NPHP3: variants seen among roughly 807,000 people sequenced by gnomAD.
NPHP3 encodes the protein nephrocystin-3.
A neutral mutation model predicts 171.9 loss-of-function variants in NPHP3; 123 were observed. The ratio of observed to expected loss-of-function variants is 0.72; its 90% CI spans 0.62 to 0.83. The LOEUF (loss-of-function observed/expected upper bound fraction) is 0.83. Among genes scored for constraint, NPHP3 ranks in the 40% least tolerant of loss-of-function variants. The pLI is 0.00. For missense variants in NPHP3, 1,506 were observed against 1,591.9 expected (o/e 0.95, Z 0.92); for synonymous variants, 558 against 579.2 (o/e 0.96, Z 0.52).
chr3:132,696,650 G>C, intron 15 of NPHP3, 81 bp downstream of exon 15: 1 of 1,204,968 alleles, frequency 8.3e-7, no homozygotes, highest in Non-Finnish European at 1.2e-6. Flanking sequence ...GTAGTGATCA[G>C]TTCTCAGTTT....
In NPHP3 at chr3:132,683,616, G is replaced by A. The variant is rs1044865558; in HGVS notation, c.3571-92C>T. On this transcript the variant is annotated intron_variant, in intron 24 of 26. Transcript: ENST00000337331. ...CCATAAGTAAAATTTCATATTAAAG[G>A]GTAATTTTGAGGGAAAAAAATCTCA... is the stretch of plus-strand genomic sequence containing the variant. 6.6e-6 allele frequency: 7 copies of A among 1,055,842 alleles called. No individual in the cohort carries two copies. The South Asian group carries it at 1.1e-4, about 16-fold the overall frequency. 65.4% of individuals were successfully genotyped at this position (1,055,842 alleles called of 1,614,324 possible).
intron 17 of NPHP3, 137 bp downstream of exon 17, chr3:132,692,517 G>A (rs747717246): frequency 1.2e-5 from 9 of 730,246 alleles, no homozygotes; most frequent in Non-Finnish European, 1.6e-5. Context: ...GTTAACTATA[G>A]GGACAATGTT....
At chr3:132,692,377 A>G (rs1939322206) in intron 17 of NPHP3, among the ~76,000 whole-genome samples, 1 of 152,238 alleles carries the variant, frequency 6.6e-6, no homozygotes, top group Non-Finnish European at 1.5e-5. Flanking sequence ...CAAGAAATAA[A>G]CTACCTTTAA....
At chr3:132,704,110 C>T in intron 9 of NPHP3, 88 bp downstream of exon 9, 2 of 1,278,164 alleles carry the variant, frequency 1.6e-6, no homozygotes, top group Non-Finnish European at 2.3e-6. Flanking sequence ...TAATCATAAA[C>T]CTTAACTATA....
At chr3:132,685,542 A>G (rs1939133209) in intron 23 of NPHP3, 2 of 152,226 alleles carry the variant, frequency 1.3e-5, no homozygotes, top group Non-Finnish European at 2.9e-5. Flanking sequence ...TTTCTGATAT[A>G]TGAAGTCCAA....
intron 16 of NPHP3, chr3:132,693,040 C>T: frequency 1.9e-6 from 1 of 517,112 alleles, no homozygotes; most frequent in Non-Finnish European, 3.4e-6. Context: ...CCAAAGATAA[C>T]ACTCTTACAG....
At chr3:132,699,799 G>T in intron 12 of NPHP3, 119 bp downstream of exon 12, 1 of 1,145,252 alleles carries the variant, frequency 8.7e-7, no homozygotes. Flanking sequence ...AAATAAAGCA[G>T]AAATATAAAA....
At position 132,701,463 on chromosome 3, in the gene NPHP3, G is replaced by C; in HGVS notation, c.1595C>G (p.Pro532Arg). The C allele has an allele frequency of 1.9e-6, 3 of 1,613,298 alleles. No individual in the cohort carries two copies. The highest frequency in any genetic ancestry group is 1.6e-4 in the Middle Eastern group (1 of 6,062). The change falls in exon 10 of 27, where the codon CCA becomes CGA. Residue 532 changes from proline to arginine, a missense_variant. Pro to Arg is a moderately radical substitution (Grantham distance 103). This residue lies in a region of NPHP3 where 930 missense variants were observed against 924.9 expected (regional missense o/e 1.01). Coordinates refer to ENST00000337331, the MANE Select transcript of NPHP3 (RefSeq NM_153240.5). ...PIPPLLVSGG[P>R]GSGKSLLLSK... ...TAAAAGAAGAGACTTCCCAGAACCT[G>C]GTCCTCCAGACACGAGAAGAGGTGG...
chr3:132,681,892 G>T lies in NPHP3; in HGVS notation c.*18C>A, dbSNP rs1939040305. 1 of 1,606,740 alleles carries T rather than the reference G, an allele frequency of 6.2e-7. No individual in the cohort carries two copies. Among genetic ancestry groups the T allele is most frequent in the Non-Finnish European group, 8.5e-7 (1 of 1,173,368 alleles). On this transcript the variant is annotated 3_prime_UTR_variant, in exon 27 of 27. Coordinates refer to ENST00000337331, the MANE Select transcript of NPHP3 (RefSeq NM_153240.5). ...TTTTGTCTTAAGGTACATTTGCAAA[G>T]AATTCTAACTGCTGCTATTACCTTT...
chr3:132,710,565 G>C (rs1374767425), intron 6 of NPHP3, among the ~76,000 whole-genome samples: 1 of 152,126 alleles, frequency 6.6e-6, no homozygotes, highest in African/African-American at 2.4e-5. Context: ...AGTCTGGTCT[G>C]CCCAACAAGG....
chr3:132,720,491 G>T (rs561915420), intron 1 of NPHP3, among the ~76,000 whole-genome samples: 1 of 152,262 alleles, frequency 6.6e-6, no homozygotes, highest in East Asian at 1.9e-4. Flanking sequence ...CAGTGGCTTG[G>T]ATACATTGAA....
chr3:132,684,141 C>T (rs913389172), intron 24 of NPHP3, among the ~76,000 whole-genome samples: 2 of 152,056 alleles, frequency 1.3e-5, no homozygotes, highest in Non-Finnish European at 2.9e-5. Context: ...CAAGAAAGAA[C>T]GAAATAAAAA....
In NPHP3 at chr3:132,722,215, T is replaced by A. The variant is rs774866337; in HGVS notation, c.141A>T (p.Arg47=). The A allele has an allele frequency of 1.0e-5, 16 of 1,532,772 alleles. No homozygotes were observed. In the East Asian group the frequency reaches 1.3e-4, roughly 13 times the overall value. 94.9% of individuals were successfully genotyped at this position (1,532,772 alleles called of 1,614,324 possible). Residue 47 remains arginine, a synonymous_variant, in exon 1 of 27, where the codon CGA becomes CGT. Transcript: ENST00000337331. ...KARLLRNSFR[R]GAGAAAGAGP... is the part of the protein sequence containing the mutation. ...CGGCCCCTGCTGCCGCCCCCGCGCC[T>A]CGGCGGAACGAGTTGCGCAGCAGGC...
intron 10 of NPHP3, 93 bp downstream of exon 10, chr3:132,701,337 G>A (rs1939600430): frequency 7.2e-6 from 6 of 828,080 alleles, no homozygotes; most frequent in South Asian, 7.1e-5. Flanking sequence ...TTTAGTGTAG[G>A]CCGCGCAGGA....
At chr3:132,690,921 A>G (rs900720024) in intron 18 of NPHP3, among the ~76,000 whole-genome samples, 3 of 152,344 alleles carry the variant, frequency 2.0e-5, no homozygotes, top group Non-Finnish European at 4.4e-5. Flanking sequence ...CCGTATATAC[A>G]CATACAGATA....
At chr3:132,708,592 G>A (rs542156723) in intron 6 of NPHP3, among the ~76,000 whole-genome samples, 2 of 152,152 alleles carry the variant, frequency 1.3e-5, no homozygotes, top group Non-Finnish European at 2.9e-5. Flanking sequence ...AGACTCATGA[G>A]ACTTTGAAAA....
rs794727311 is a variant in NPHP3, at chr3:132,719,706, T to C, written c.518A>G (p.Lys173Arg). The C allele has an allele frequency of 1.3e-6, 2 of 1,555,402 alleles. No homozygotes were observed. The highest frequency in any genetic ancestry group is 1.7e-6 in the Non-Finnish European group (2 of 1,147,080). Reference sequence around the variant, plus strand: ...GGGGTAAAAATGTAAGGAATTTACCTTGAATTGCCTTTTAACTTTATCTCT... The same window carrying C: ...GGGGTAAAAATGTAAGGAATTTACCCTGAATTGCCTTTTAACTTTATCTCT... ...HDRDKVKRQF[K>R]IFRETKENEI... The change falls in exon 2 of 27, where the codon AAG (lysine) becomes AGG (arginine). Residue 173 changes from lysine (K) to arginine (R), a missense_variant and splice_region_variant. Around this residue, in one of 3 missense-constraint regions of NPHP3, gnomAD observed 930 missense variants for 924.9 expected, o/e 1.01. Coordinates refer to ENST00000337331, the MANE Select transcript of NPHP3 (RefSeq NM_153240.5).
chr3:132,693,175 C>A, intron 16 of NPHP3: 1 of 209,204 alleles, frequency 4.8e-6, no homozygotes, highest in Non-Finnish European at 9.6e-6. Flanking sequence ...GAATATCAGA[C>A]ACATTTCTAA....
In NPHP3 at chr3:132,719,695, A is replaced by G; in HGVS notation, c.519+10T>C. 6.5e-7 allele frequency: 1 copy of G among 1,538,984 alleles called. No homozygotes were observed. On this transcript the variant is annotated intron_variant, in intron 2 of 26. Coordinates refer to ENST00000337331, the MANE Select transcript of NPHP3 (RefSeq NM_153240.5). Reference sequence around the variant, plus strand: ...ATGTTGCTTTGGGGGTAAAAATGTAAGGAATTTACCTTGAATTGCCTTTTA... The same window carrying G: ...ATGTTGCTTTGGGGGTAAAAATGTAGGGAATTTACCTTGAATTGCCTTTTA...
Sources: allele counts gnomAD v4.1 joint callset (sites outside exome capture counted in the v4.1 genomes callset), GRCh38; gene constraint gnomAD v4.1.1; regional missense constraint gnomAD v4.1.1; transcripts MANE v1.5; gene names NCBI Gene and HGNC (gene_info 2026-07-23, HGNC 2026-07-21).